Variants in TNFRSF8 observed in about 807,000 individuals in gnomAD.
TNFRSF8 encodes the protein tumor necrosis factor receptor superfamily member 8.
Under a neutral mutation model 70.8 loss-of-function variants are expected in TNFRSF8, and 26 were observed. The ratio of observed to expected loss-of-function variants is 0.37; its 90% confidence interval spans 0.27 to 0.51. The LOEUF (loss-of-function observed/expected upper bound fraction) is 0.51. Among genes scored for constraint, TNFRSF8 ranks in the 20% least tolerant of loss-of-function variants. The pLI is 0.94. For missense variants in TNFRSF8, 720 were observed against 807.9 expected, an observed-to-expected ratio of 0.89 and a Z score of 1.32; for synonymous variants, 356 against 339.2, an observed-to-expected ratio of 1.05 and a Z score of -0.54.
At chr1:12,074,557 G>A (rs7550690) in intron 1 of TNFRSF8, among the ~76,000 whole-genome samples, 1 of 152,180 alleles carries the variant, frequency 6.6e-6, no homozygotes, top group Admixed American at 6.5e-5. Flanking sequence ...TGGGATTACA[G>A]GCATGAGCCA....
chr1:12,083,465 G>C (rs1641100448), intron 1 of TNFRSF8, among the ~76,000 whole-genome samples: 1 of 152,208 alleles, frequency 6.6e-6, no homozygotes, highest in East Asian at 1.9e-4. Context: ...AAGGCGGGTG[G>C]ATCATTTGAG....
intron 10 of TNFRSF8, among the ~76,000 whole-genome samples, chr1:12,125,385 T>C (rs935502835): frequency 2.0e-5 from 3 of 152,128 alleles, no homozygotes; most frequent in African/African-American, 7.2e-5. Context: ...TAACGAACTT[T>C]CGTGAGCCTC....
intron 10 of TNFRSF8, among the ~76,000 whole-genome samples, chr1:12,124,746 C>T (rs1465189780): frequency 6.6e-6 from 1 of 152,058 alleles, no homozygotes. Context: ...CGCTTGAACC[C>T]GGGAGGCGGA....
rs1172361341 is a variant in TNFRSF8 at position 12,104,363 on chromosome 1, T to A, written c.269-16T>A. The A allele has an allele frequency of 6.2e-7, 1 of 1,614,106 alleles. No individual in the cohort carries two copies. Among genetic ancestry groups the A allele is most frequent in the South Asian group, 1.1e-5 (1 of 91,074 alleles). The stretch of plus-strand genomic sequence containing the variant: ...TCCTTCTGTTCCCCTCTGTGACCCC[T>A]GTCTGTGTCCCTTAGACGACCTCGT... On this transcript the variant is annotated splice_polypyrimidine_tract_variant and intron_variant, in intron 3 of 14. Coordinates refer to ENST00000263932, the MANE Select transcript of TNFRSF8 (RefSeq NM_001243.5).
At chr1:12,117,219 A>G (rs934198883) in intron 8 of TNFRSF8, among the ~76,000 whole-genome samples, 6 of 151,916 alleles carry the variant, frequency 3.9e-5, no homozygotes, top group African/African-American at 1.5e-4. Context: ...AGTAGCTGGG[A>G]TTACAGGTGC....
intron 9 of TNFRSF8, 25 bp downstream of exon 9, chr1:12,123,402 G>C: frequency 1.3e-6 from 2 of 1,582,962 alleles, no homozygotes; most frequent in Non-Finnish European, 1.7e-6. Context: ...CCTTCTCTCT[G>C]TTTGGCTGCT....
intron 8 of TNFRSF8, 46 bp downstream of exon 8, chr1:12,115,775 G>GC: frequency 6.3e-7 from 1 of 1,599,190 alleles, no homozygotes; most frequent in Non-Finnish European, 8.5e-7. Context: ...TGGAGTCTGT[G>GC]CCCCCACTGT....
At position 12,112,735 on chromosome 1, in the gene TNFRSF8, A is replaced by G. The variant is rs1224506752; in HGVS notation, c.793+721A>G. ...ACAAGCACTTACTGAGTGCACAGACACAGCACGATGCAGGTGTGGGGCTTC... is the reference window on the plus strand; with the variant it reads ...ACAAGCACTTACTGAGTGCACAGACGCAGCACGATGCAGGTGTGGGGCTTC... On this transcript the variant is annotated intron_variant, in intron 7 of 14. Coordinates refer to ENST00000263932, the MANE Select transcript of TNFRSF8 (RefSeq NM_001243.5). The surrounding 1 kb of genome is among the most constrained non-coding windows in gnomAD (Gnocchi z 5.3). Among the ~76,000 whole-genome samples, 1 of 152,168 alleles carries G rather than the reference A, an allele frequency of 6.6e-6. No homozygotes were observed. The highest frequency in any genetic ancestry group is 6.5e-5 in the Admixed American group (1 of 15,268).
chr1:12,075,746 A>G (rs1640935604), intron 1 of TNFRSF8, among the ~76,000 whole-genome samples: 1 of 152,220 alleles, frequency 6.6e-6, no homozygotes, highest in Non-Finnish European at 1.5e-5. Context: ...GAGCGTCACC[A>G]TCTTGGACAA....
chr1:12,137,570 T>TTTTTTTTG (rs1642171062), intron 13 of TNFRSF8, among the ~76,000 whole-genome samples: 1 of 135,034 alleles, frequency 7.4e-6, no homozygotes, highest in African/African-American at 2.9e-5. Context: ...TTTTTTTTTG[T>TTTTTTTTG]TTTTTTTTTA....
At position 12,110,586 on chromosome 1, in the gene TNFRSF8, C is replaced by T. The variant is rs1306190773; in HGVS notation, c.676+382C>T. On this transcript the variant is annotated intron_variant, in intron 6 of 14. Transcript: ENST00000263932. This position sits in a 1 kb window ranked among gnomAD's most constrained non-coding sequence, Gnocchi z 4.0. ...CCTGGTCTCCATGGCGAAGGGTCGA[C>T]CCTCAGTCATTTTTCTTTTTCTTTT... Among the ~76,000 whole-genome samples, 1 of 152,112 alleles carries T rather than the reference C, an allele frequency of 6.6e-6. No individual in the cohort carries two copies. The highest frequency in any genetic ancestry group is 1.5e-5 in the Non-Finnish European group (1 of 68,026).
At chr1:12,078,253 A>T (rs1363471179) in intron 1 of TNFRSF8, among the ~76,000 whole-genome samples, 3 of 152,114 alleles carry the variant, frequency 2.0e-5, no homozygotes, top group African/African-American at 7.2e-5. Flanking sequence ...GCCAGGGAGA[A>T]GCAAGCATTT....
chr1:12,138,724 A>G lies in TNFRSF8; in HGVS notation c.1543+288A>G, dbSNP rs1185639827. On this transcript the variant is annotated intron_variant, in intron 14 of 14. Transcript: ENST00000263932. This position sits in a 1 kb window ranked among gnomAD's most constrained non-coding sequence, Gnocchi z 5.7. ...CCCAACACCGAGCACCCGAGGGGAC[A>G]GGAGGAAGACGTGCCAGTGGTCACA... Among the ~76,000 whole-genome samples, 1 of 152,228 alleles carries G rather than the reference A, an allele frequency of 6.6e-6. No homozygotes were observed. Among genetic ancestry groups the G allele is most frequent in the African/African-American group, 2.4e-5 (1 of 41,462 alleles).
chr1:12,111,824 G>A, intron 6 of TNFRSF8, 74 bp from the exon 7 acceptor site: 2 of 1,227,844 alleles, frequency 1.6e-6, no homozygotes, highest in South Asian at 1.2e-5. Flanking sequence ...GGGATGGGGG[G>A]CTTCAGGGTT....
intron 8 of TNFRSF8, among the ~76,000 whole-genome samples, chr1:12,121,926 A>G (rs943189915): frequency 6.6e-6 from 1 of 152,242 alleles, no homozygotes; most frequent in Non-Finnish European, 1.5e-5. Context: ...ATGAATATCA[A>G]AAACATTATG....
At chr1:12,118,858 G>T (rs2101019354) in intron 8 of TNFRSF8, among the ~76,000 whole-genome samples, 1 of 152,096 alleles carries the variant, frequency 6.6e-6, no homozygotes, top group South Asian at 2.1e-4. Context: ...TTTTTTGTTT[G>T]TTTGTTTGTT....
At chr1:12,137,548 G>GTTTTTTTTTTTTT (rs553381567) in intron 13 of TNFRSF8, among the ~76,000 whole-genome samples, 1 of 131,480 alleles carries the variant, frequency 7.6e-6, no homozygotes, top group Non-Finnish European at 1.6e-5. Context: ...CTGTTTTTTT[G>GTTTTTTTTTTTTT]TTTTTTTTTG....
intron 1 of TNFRSF8, among the ~76,000 whole-genome samples, chr1:12,064,624 A>G (rs985386364): frequency 6.6e-6 from 1 of 152,176 alleles, no homozygotes. Flanking sequence ...AGAGGACTCC[A>G]TGCTATGGAT....
In TNFRSF8 at chr1:12,088,740, G is replaced by A. The variant is rs371168743; in HGVS notation, c.151+4189G>A. 7.9e-5 allele frequency among the ~76,000 whole-genome samples: 12 copies of A among 152,372 alleles called. No homozygotes were observed. In the South Asian group the frequency reaches 1.0e-3, roughly 13 times the overall value. Reference sequence around the variant, plus strand: ...TCCCATCTTGTCCCAGGAGCTGAGGGTTCCTCCGAAGGCTGTGAACAGGAA... The same window carrying A: ...TCCCATCTTGTCCCAGGAGCTGAGGATTCCTCCGAAGGCTGTGAACAGGAA... On this transcript the variant is annotated intron_variant, in intron 2 of 14. Coordinates refer to ENST00000263932, the MANE Select transcript of TNFRSF8 (RefSeq NM_001243.5). This position sits in a 1 kb window ranked among gnomAD's most constrained non-coding sequence, Gnocchi z 4.0.
Sources: gnomAD v4.1 joint callset for allele counts (sites outside exome capture counted in the v4.1 genomes callset) on GRCh38, gnomAD v4.1.1 for gene constraint, Gnocchi (gnomAD v3.1) non-coding constraint, MANE v1.5 for transcripts, NCBI Gene and HGNC (gene_info 2026-07-23, HGNC 2026-07-21) for gene names.